DPY19L1: variants seen among roughly 807,000 people sequenced by gnomAD.
DPY19L1 encodes the protein dpy-19 like C-mannosyltransferase 1.
A neutral mutation model predicts 96.9 loss-of-function variants in DPY19L1; 35 were observed. The observed-to-expected ratio is 0.36, with a 90% CI of 0.28 to 0.48. The LOEUF is 0.48. Ranked by LOEUF, DPY19L1 falls within the 20% of genes least tolerant of loss-of-function variation. The pLI is 0.99. For synonymous variants in DPY19L1, 205 were observed against 252.6 expected (o/e 0.81, Z 1.79); for missense variants, 521 against 777.9 (o/e 0.67, Z 3.93).
At chr7:35,011,218 T>G (rs1785702532) in intron 5 of DPY19L1, 112 bp downstream of exon 5, 2 of 1,272,696 alleles carry the variant, frequency 1.6e-6, no homozygotes, top group Admixed American at 2.2e-5. Flanking sequence ...TATATATGCA[T>G]AATAAAATGG....
intron 21 of DPY19L1, among the ~76,000 whole-genome samples, chr7:34,933,268 T>C (rs1046813981): frequency 3.3e-5 from 5 of 152,212 alleles, no homozygotes; most frequent in African/African-American, 1.2e-4. Flanking sequence ...GTGTACCCAA[T>C]GTGTAGTCTT....
chr7:35,017,637 A>G (rs1025679035), intron 3 of DPY19L1, among the ~76,000 whole-genome samples: 36 of 151,846 alleles, frequency 2.4e-4, no homozygotes, highest in African/African-American at 8.7e-4. Flanking sequence ...GAGCCACTGC[A>G]CTCCAGCCTG....
In DPY19L1 at chr7:34,939,293, A is replaced by G. The variant is rs756171861; in HGVS notation, c.1947T>C (p.Tyr649=). The change falls in exon 20 of 22, where the codon TAT becomes TAC. Residue 649 remains tyrosine, a synonymous_variant. Coordinates refer to ENST00000638088, the MANE Select transcript of DPY19L1 (RefSeq NM_001366673.1). ...GCACTGACCTCAAGCCTGCGTCTTC[A>G]TAATGTGGATGATTCACAATGGGCC... ...ALRPIVNHPH[Y]EDAGLRARTK... 6 of 1,613,612 alleles carry G rather than the reference A, an allele frequency of 3.7e-6. No individual in the cohort carries two copies. In the South Asian group the frequency reaches 4.4e-5, roughly 12 times the overall value.
chr7:34,945,028 T>G (rs527798355), intron 16 of DPY19L1, among the ~76,000 whole-genome samples: 2 of 152,338 alleles, frequency 1.3e-5, no homozygotes, highest in South Asian at 4.1e-4. Flanking sequence ...TCAACTACTA[T>G]CCTTTACTAT....
chr7:34,996,499 G>A (rs1785287495), intron 6 of DPY19L1, among the ~76,000 whole-genome samples: 1 of 152,030 alleles, frequency 6.6e-6, no homozygotes, highest in South Asian at 2.1e-4. Context: ...TGCTTCCCCT[G>A]GAGCCTCCCT....
chr7:35,015,775 T>C (rs1192213084), intron 3 of DPY19L1, among the ~76,000 whole-genome samples: 1 of 152,236 alleles, frequency 6.6e-6, no homozygotes, highest in East Asian at 1.9e-4. Context: ...TTCACTTTAC[T>C]CTGTTGGAGC....
intron 1 of DPY19L1, among the ~76,000 whole-genome samples, chr7:35,025,948 G>A (rs1367645175): frequency 6.6e-6 from 1 of 152,182 alleles, no homozygotes; most frequent in Admixed American, 6.5e-5. Flanking sequence ...AAGTTTCAAA[G>A]ACAACATCAT....
intron 1 of DPY19L1, among the ~76,000 whole-genome samples, chr7:35,030,890 T>C (rs779453860): frequency 2.0e-5 from 3 of 152,156 alleles, no homozygotes; most frequent in Non-Finnish European, 2.9e-5. Flanking sequence ...AAACAACATC[T>C]AGACCCAGAT....
At chr7:35,015,904 G>A (rs1485680302) in intron 3 of DPY19L1, among the ~76,000 whole-genome samples, 1 of 152,112 alleles carries the variant, frequency 6.6e-6, no homozygotes, top group Non-Finnish European at 1.5e-5. Flanking sequence ...ACTCTTTTCA[G>A]TAATCACATT....
chr7:34,961,598 TAGATA>T lies in DPY19L1; in HGVS notation c.1093-3533_1093-3529del, dbSNP rs571766536. 2.0e-5 allele frequency among the ~76,000 whole-genome samples: 3 copies of T among 152,294 alleles called. No homozygotes were observed. The East Asian group carries it at 5.8e-4, about 29-fold the overall frequency. On this transcript the variant is annotated intron_variant, in intron 10 of 21. Transcript: ENST00000638088. ...GACCTTAGGTATGGTGATGACTTCT[TAGATA>T]AAAGAACAAAGGTACAATTTATGAA...
At chr7:35,019,920 T>G (rs1238331733) in intron 1 of DPY19L1, among the ~76,000 whole-genome samples, 2 of 152,162 alleles carry the variant, frequency 1.3e-5, no homozygotes, top group Non-Finnish European at 2.9e-5. Context: ...GCTACTCGGC[T>G]GGAGGAAGTA....
intron 3 of DPY19L1, among the ~76,000 whole-genome samples, chr7:35,015,298 GTA>G (rs1785816877): frequency 6.6e-6 from 1 of 152,176 alleles, no homozygotes; most frequent in South Asian, 2.1e-4. Context: ...TAATTTTACT[GTA>G]TATCCCTAGT....
chr7:35,005,098 CTTA>C (rs1785519881), intron 6 of DPY19L1, among the ~76,000 whole-genome samples: 1 of 152,152 alleles, frequency 6.6e-6, no homozygotes, highest in South Asian at 2.1e-4. Flanking sequence ...TAAAAATCAA[CTTA>C]AGTACTTTTA....
chr7:34,959,985 A>G (rs1467476575), intron 10 of DPY19L1, among the ~76,000 whole-genome samples: 1 of 146,882 alleles, frequency 6.8e-6, no homozygotes, highest in Non-Finnish European at 1.5e-5. Flanking sequence ...CATATTGTAA[A>G]TATTTTTCTC....
chr7:35,015,567 T>C (rs767238098), intron 3 of DPY19L1, among the ~76,000 whole-genome samples: 12 of 152,248 alleles, frequency 7.9e-5, no homozygotes, highest in Non-Finnish European at 1.6e-4. Flanking sequence ...AGTTACCCTG[T>C]ATGGTCTGAA....
intron 6 of DPY19L1, among the ~76,000 whole-genome samples, chr7:34,996,584 C>T (rs1785289628): frequency 6.6e-6 from 1 of 152,016 alleles, no homozygotes; most frequent in African/African-American, 2.4e-5. Flanking sequence ...ATCGTCTTCC[C>T]CTGGGCTGCT....
chr7:34,956,382 C>CTTG (rs924023658), intron 11 of DPY19L1, among the ~76,000 whole-genome samples: 5 of 151,992 alleles, frequency 3.3e-5, no homozygotes, highest in African/African-American at 1.2e-4. Context: ...TATGATTTTT[C>CTTG]TTGTTGTTGT....
rs189489267 is a variant in DPY19L1, at chr7:34,957,725, G to C, written c.1179+259C>G. Among the ~76,000 whole-genome samples the C allele has an allele frequency of 2.0e-5, 3 of 152,214 alleles. No individual in the cohort carries two copies. The East Asian group carries it at 5.8e-4, about 29-fold the overall frequency. ...ATGAGAGGAAAGGGGTTCAAAAAGT[G>C]GAGCAGGAGTAGGATTAAAAATGCA... On this transcript the variant is annotated intron_variant, in intron 11 of 21. Transcript: ENST00000638088.
intron 13 of DPY19L1, chr7:34,954,492 A>G: frequency 3.0e-6 from 1 of 333,492 alleles, no homozygotes; most frequent in Non-Finnish European, 5.5e-6. Context: ...TAGAAGGACC[A>G]ATAAAAAAAG....
Sources: gnomAD v4.1 joint callset for allele counts (sites outside exome capture counted in the v4.1 genomes callset) on GRCh38, gnomAD v4.1.1 for gene constraint, MANE v1.5 for transcripts, NCBI Gene and HGNC (gene_info 2026-07-23, HGNC 2026-07-21) for gene names.